Variants in NHSL3 observed in about 807,000 individuals in gnomAD.
NHSL3 encodes the protein NHS like 3, also known as NHS-like protein 3.
At chr1:32,762,432 CT>C in the NHSL3 span, among the ~76,000 whole-genome samples, 43,126 of 142,504 alleles carry the variant, frequency 0.3, 7,744 homozygotes, top group Admixed American at 0.5. Context: ...TCAGGGGAAT[CT>C]TTTTTTTTTT....
chr1:32,770,290 C>T, the NHSL3 span: 217 of 1,609,792 alleles, frequency 1.3e-4, 2 homozygotes, highest in East Asian at 4.6e-3. This position sits in a 1 kb window ranked among gnomAD's most constrained non-coding sequence, Gnocchi z 8.3. Flanking sequence ...GGCCCTAGGC[C>T]GCTGCAGCCT....
chr1:32,742,899 A>C, the NHSL3 span, among the ~76,000 whole-genome samples: 1 of 152,350 alleles, frequency 6.6e-6, no homozygotes, highest in South Asian at 2.1e-4. Context: ...ACTGAGGCCC[A>C]AGCTCAGTGG....
At chr1:32,764,403 T>C in the NHSL3 span, among the ~76,000 whole-genome samples, 6 of 152,170 alleles carry the variant, frequency 3.9e-5, no homozygotes, top group African/African-American at 1.4e-4. Context: ...CCATTAACTA[T>C]AGTCCCTAGT....
At chr1:32,750,756 T>C in the NHSL3 span, among the ~76,000 whole-genome samples, 1 of 152,082 alleles carries the variant, frequency 6.6e-6, no homozygotes. Flanking sequence ...TCTGCCCGCC[T>C]CAGCCTTCCA....
the NHSL3 span, among the ~76,000 whole-genome samples, chr1:32,766,164 G>C: frequency 1.7e-4 from 26 of 152,198 alleles, no homozygotes; most frequent in Non-Finnish European, 3.2e-4. Context: ...AGTGTGCCGG[G>C]GAGGATGGGA....
chr1:32,750,986 T>C, the NHSL3 span, among the ~76,000 whole-genome samples: 2 of 152,048 alleles, frequency 1.3e-5, no homozygotes, highest in African/African-American at 4.8e-5. Flanking sequence ...TAATTTTGTA[T>C]TTTTAGTAGA....
At chr1:32,769,543 C>G in the NHSL3 span, 11 of 747,676 alleles carry the variant, frequency 1.5e-5, no homozygotes, top group Non-Finnish European at 2.6e-5. Flanking sequence ...TTTGTTTAAC[C>G]TAGCCTTGCC....
At chr1:32,761,723 G>C in the NHSL3 span, among the ~76,000 whole-genome samples, 1 of 152,132 alleles carries the variant, frequency 6.6e-6, no homozygotes, top group Non-Finnish European at 1.5e-5. Flanking sequence ...CTTTCACCAC[G>C]ACCTGGCATG....
At chr1:32,751,802 A>G in the NHSL3 span, among the ~76,000 whole-genome samples, 1 of 152,232 alleles carries the variant, frequency 6.6e-6, no homozygotes, top group African/African-American at 2.4e-5. Flanking sequence ...GTGTGGTTGT[A>G]GCTCTGAGAA....
chr1:32,770,516 C>CG, the NHSL3 span: 1 of 1,555,116 alleles, frequency 6.4e-7, no homozygotes, highest in Non-Finnish European at 8.7e-7. The surrounding 1 kb of genome is among the most constrained non-coding windows in gnomAD (Gnocchi z 8.3). Flanking sequence ...GAGAGCTCTA[C>CG]GGCTAGCAAT....
At chr1:32,770,325 G>C in the NHSL3 span, 1 of 1,612,134 alleles carries the variant, frequency 6.2e-7, no homozygotes, top group Non-Finnish European at 8.5e-7. The surrounding 1 kb of genome is among the most constrained non-coding windows in gnomAD (Gnocchi z 8.3). Flanking sequence ...GCTGCAGCCT[G>C]CACTCGGCCA....
At chr1:32,754,889 A>C in the NHSL3 span, among the ~76,000 whole-genome samples, 2 of 149,500 alleles carry the variant, frequency 1.3e-5, no homozygotes, top group Non-Finnish European at 3.0e-5. Flanking sequence ...CTCCCTCCCT[A>C]CCCCCACCCG....
At chr1:32,752,946 CA>C in the NHSL3 span, among the ~76,000 whole-genome samples, 2 of 24,126 alleles carry the variant, frequency 8.3e-5, 1 homozygote. Flanking sequence ...CACACACACA[CA>C]CACATATATA....
At chr1:32,769,910 C>T in the NHSL3 span, 40 of 1,608,290 alleles carry the variant, frequency 2.5e-5, no homozygotes, top group Non-Finnish European at 2.9e-5. Flanking sequence ...GCACCAGGCA[C>T]GCCCCGGGCT....
At chr1:32,761,805 G>A in the NHSL3 span, among the ~76,000 whole-genome samples, 1 of 152,072 alleles carries the variant, frequency 6.6e-6, no homozygotes, top group East Asian at 1.9e-4. Context: ...AGACTGATAA[G>A]AAGAGTGGGT....
chr1:32,769,406 TG>T, the NHSL3 span, among the ~76,000 whole-genome samples: 1 of 152,216 alleles, frequency 6.6e-6, no homozygotes, highest in African/African-American at 2.4e-5. Flanking sequence ...CCTATTGGAA[TG>T]AATGCCAAAT....
At chr1:32,771,693 T>A in the NHSL3 span, 1 of 1,611,612 alleles carries the variant, frequency 6.2e-7, no homozygotes. Context: ...CTCCTCCAGC[T>A]CCGCCAGCCC....
chr1:32,744,322 C>T, the NHSL3 span, among the ~76,000 whole-genome samples: 1 of 152,142 alleles, frequency 6.6e-6, no homozygotes, highest in African/African-American at 2.4e-5. Context: ...TTCCATGATT[C>T]CCTTGCTGAC....
At chr1:32,745,673 T>C in the NHSL3 span, among the ~76,000 whole-genome samples, 1 of 151,798 alleles carries the variant, frequency 6.6e-6, no homozygotes, top group Non-Finnish European at 1.5e-5. Context: ...ATCTGTAAAA[T>C]AGGGATAATA....
Sources: allele counts gnomAD v4.1 joint callset (sites outside exome capture counted in the v4.1 genomes callset), GRCh38; gene constraint gnomAD v4.1.1; non-coding constraint Gnocchi (gnomAD v3.1); transcripts MANE v1.5; gene names NCBI Gene and HGNC (gene_info 2026-07-23, HGNC 2026-07-21).